Variants in ARHGAP35 observed in about 807,000 individuals in gnomAD.
The protein encoded by ARHGAP35 is rho GTPase-activating protein 35.
In ARHGAP35, 15 loss-of-function variants were observed where a neutral mutation model predicts 111.1. The observed-to-expected ratio is 0.13, with a 90% confidence interval of 0.09 to 0.21. The LOEUF is 0.21. ARHGAP35 is among the 10% of genes least tolerant of loss of function. The pLI is 1.00. For synonymous variants in ARHGAP35, 643 were observed against 710.3 expected, an observed-to-expected ratio of 0.91 and a Z score of 1.51; for missense variants, 1,262 against 1,873.0, an observed-to-expected ratio of 0.67 and a Z score of 6.02.
At chr19:46,954,132 A>G (rs1185938661) in intron 3 of ARHGAP35, among the ~76,000 whole-genome samples, 3 of 152,214 alleles carry the variant, frequency 2.0e-5, no homozygotes, top group Non-Finnish European at 2.9e-5. Context: ...GGGCCCTGCC[A>G]GAAACCAAAT....
intron 1 of ARHGAP35, among the ~76,000 whole-genome samples, chr19:46,899,683 G>C (rs2056074543): frequency 6.7e-6 from 1 of 149,870 alleles, no homozygotes; most frequent in African/African-American, 2.5e-5. Context: ...CTGGGTGACA[G>C]AGTGAGACCC....
At chr19:46,862,382 C>T (rs2055833624) in intron 1 of ARHGAP35, among the ~76,000 whole-genome samples, 1 of 152,106 alleles carries the variant, frequency 6.6e-6, no homozygotes, top group Non-Finnish European at 1.5e-5. Flanking sequence ...TTTCTTTGGC[C>T]TGTCTCTCCT....
chr19:46,892,794 C>T (rs2056032436), intron 1 of ARHGAP35, among the ~76,000 whole-genome samples: 1 of 151,908 alleles, frequency 6.6e-6, no homozygotes, highest in Non-Finnish European at 1.5e-5. Flanking sequence ...TGAGTTGGGG[C>T]GTCTCTGCAC....
chr19:46,890,256 G>T (rs2056017465), intron 1 of ARHGAP35, among the ~76,000 whole-genome samples: 2 of 152,208 alleles, frequency 1.3e-5, no homozygotes. Context: ...GGAGGAGTAT[G>T]TAAGCTTTCT....
chr19:46,915,419 A>G (rs2056157531), intron 1 of ARHGAP35, among the ~76,000 whole-genome samples: 1 of 152,070 alleles, frequency 6.6e-6, no homozygotes, highest in African/African-American at 2.4e-5. Context: ...TTGTTTCCAT[A>G]GAGGGTTTGG....
chr19:46,917,717 G>A (rs2056172301), intron 1 of ARHGAP35, among the ~76,000 whole-genome samples: 1 of 152,074 alleles, frequency 6.6e-6, no homozygotes, highest in East Asian at 1.9e-4. Flanking sequence ...TCCATGTTTT[G>A]TTGTTGTTGC....
intron 3 of ARHGAP35, among the ~76,000 whole-genome samples, chr19:46,972,538 G>A (rs986272710): frequency 6.6e-6 from 1 of 152,192 alleles, no homozygotes; most frequent in Non-Finnish European, 1.5e-5. Context: ...TGAGAGGTAC[G>A]AAAGCAGTGT....
chr19:46,937,138 C>A, intron 2 of ARHGAP35, 126 bp from the exon 3 acceptor site: 4 of 1,193,298 alleles, frequency 3.4e-6, no homozygotes, highest in Non-Finnish European at 4.7e-6. Flanking sequence ...CCGTATCCAG[C>A]CACTTCTTGA....
chr19:46,862,671 T>G (rs2055835272), intron 1 of ARHGAP35, among the ~76,000 whole-genome samples: 1 of 152,162 alleles, frequency 6.6e-6, no homozygotes, highest in African/African-American at 2.4e-5. Flanking sequence ...GCCCGCATAT[T>G]TTTAGACCGG....
intron 1 of ARHGAP35, among the ~76,000 whole-genome samples, chr19:46,863,357 C>G (rs777243995): frequency 6.6e-6 from 1 of 152,184 alleles, no homozygotes; most frequent in East Asian, 1.9e-4. Flanking sequence ...ATTGTTACTA[C>G]TCTCTGGAGT....
At position 46,999,474 on chromosome 19, in the gene ARHGAP35, G is replaced by A. The variant is rs1035864075; in HGVS notation, c.4142+65G>A. ...AATTGACAGCCAGGGTCAGTGTGTCGCAGAACAAGGCTCTGTCCACAAGCC... is the reference window on the plus strand; with the variant it reads ...AATTGACAGCCAGGGTCAGTGTGTCACAGAACAAGGCTCTGTCCACAAGCC... On this transcript the variant is annotated intron_variant, in intron 6 of 6. Transcript: ENST00000672722. This position sits in a 1 kb window ranked among gnomAD's most constrained non-coding sequence, Gnocchi z 5.4. 5.3e-5 allele frequency: 57 copies of A among 1,065,698 alleles called. No homozygotes were observed. The highest frequency in any genetic ancestry group is 4.4e-4 in the African/African-American group (28 of 63,570). The allele number at this position is 1,065,698 out of a possible 1,614,324, so 66.0% of individuals were successfully genotyped here.
intron 1 of ARHGAP35, among the ~76,000 whole-genome samples, chr19:46,917,563 G>A (rs562701224): frequency 1.3e-5 from 2 of 152,080 alleles, no homozygotes; most frequent in Non-Finnish European, 2.9e-5. Flanking sequence ...AGCCAAGATC[G>A]CACCACTGCA....
At chr19:46,982,338 G>A (rs893301009) in intron 3 of ARHGAP35, among the ~76,000 whole-genome samples, 1 of 152,114 alleles carries the variant, frequency 6.6e-6, no homozygotes, top group Non-Finnish European at 1.5e-5. Context: ...TTGGCCAGGT[G>A]CAGTGGCAGG....
rs142905294 is a variant in ARHGAP35, at chr19:46,964,301, A to G, written c.3827-23688A>G. Among the ~76,000 whole-genome samples the G allele has an allele frequency of 8.2e-4, 122 of 148,912 alleles. 4 individuals are homozygous for G. The East Asian group carries it at 0.024, about 29-fold the overall frequency. On this transcript the variant is annotated intron_variant, in intron 3 of 6. Coordinates refer to ENST00000672722, the MANE Select transcript of ARHGAP35 (RefSeq NM_004491.5). ...TCTTTTTGAGACAGGATCTTGCTCTATCACCCAGGCTGGAGCGCTGCAGTG... is the reference window on the plus strand; with the variant it reads ...TCTTTTTGAGACAGGATCTTGCTCTGTCACCCAGGCTGGAGCGCTGCAGTG...
chr19:46,902,782 A>C (rs192376653), intron 1 of ARHGAP35, among the ~76,000 whole-genome samples: 42 of 152,284 alleles, frequency 2.8e-4, no homozygotes, highest in African/African-American at 1.0e-3. Flanking sequence ...GAATATTTAC[A>C]TTCAAGGAAC....
At chr19:46,975,217 A>G (rs532469618) in intron 3 of ARHGAP35, among the ~76,000 whole-genome samples, 109 of 152,266 alleles carry the variant, frequency 7.2e-4, no homozygotes, top group African/African-American at 2.6e-3. Context: ...ATCACTCAGG[A>G]AATTCCAAGA....
chr19:46,952,299 G>A (rs1168946060), intron 3 of ARHGAP35, among the ~76,000 whole-genome samples: 1 of 152,120 alleles, frequency 6.6e-6, no homozygotes, highest in Non-Finnish European at 1.5e-5. Context: ...TAATTGTGCT[G>A]TTCAATTTAA....
At chr19:46,963,520 G>A (rs1180637773) in intron 3 of ARHGAP35, among the ~76,000 whole-genome samples, 1 of 152,156 alleles carries the variant, frequency 6.6e-6, no homozygotes, top group Non-Finnish European at 1.5e-5. Context: ...ATCTGAAAGC[G>A]TGCCTCTTCT....
Position 46,873,764 on chromosome 19 carries a change from T to C in ARHGAP35, c.-189+12555T>C, listed in dbSNP as rs1426961453. 2.0e-5 allele frequency among the ~76,000 whole-genome samples: 3 copies of C among 152,160 alleles called. No homozygotes were observed. In the South Asian group the frequency reaches 6.2e-4, roughly 31 times the overall value. On this transcript the variant is annotated intron_variant, in intron 1 of 6. Coordinates refer to ENST00000672722, the MANE Select transcript of ARHGAP35 (RefSeq NM_004491.5). ...TATTTAAGCTTTTTTTTTTTCTTTT[T>C]TGAGACGGAGTTTTGCCCTTGTTGC... is the stretch of plus-strand genomic sequence containing the variant.
Sources: gnomAD v4.1 joint callset for allele counts (sites outside exome capture counted in the v4.1 genomes callset) on GRCh38, gnomAD v4.1.1 for gene constraint, Gnocchi (gnomAD v3.1) non-coding constraint, MANE v1.5 for transcripts, NCBI Gene and HGNC (gene_info 2026-07-23, HGNC 2026-07-21) for gene names.